The following CCDC7 variants were observed in gnomAD, a reference collection of about 807,000 sequenced individuals.
CCDC7 encodes coiled-coil domain containing 7.
A neutral mutation model predicts 196.9 loss-of-function variants in CCDC7; 183 were observed. The observed-to-expected ratio is 0.93, with a 90% CI of 0.82 to 1.05. The LOEUF (loss-of-function observed/expected upper bound fraction) is 1.05, where lower values mean the gene tolerates loss of function less well. CCDC7 is among the 50% of genes least tolerant of loss of function. The pLI, the probability that CCDC7 is intolerant of heterozygous loss-of-function variation, is 0.00. For synonymous variants in CCDC7, 525 were observed against 484.6 expected (o/e 1.08, Z -1.10); for missense variants, 1,540 against 1,482.2 (o/e 1.04, Z -0.64).
intron 32 of CCDC7, among the ~76,000 whole-genome samples, chr10:32,834,572 T>C (rs4609551): frequency 6.6e-6 from 1 of 151,960 alleles, no homozygotes; most frequent in Non-Finnish European, 1.5e-5. Flanking sequence ...GTATATCTGA[T>C]TTTGTTCAAA....
intron 28 of CCDC7, among the ~76,000 whole-genome samples, chr10:32,748,263 T>C (rs1388835643): frequency 6.6e-6 from 1 of 152,182 alleles, no homozygotes; most frequent in East Asian, 1.9e-4. Flanking sequence ...GGTAATATGC[T>C]GTCACTACCT....
intron 18 of CCDC7, among the ~76,000 whole-genome samples, chr10:32,609,091 G>A (rs2061827861): frequency 6.6e-6 from 1 of 152,188 alleles, no homozygotes; most frequent in African/African-American, 2.4e-5. Context: ...TTCTGTAGCT[G>A]TTGGGTAAAA....
chr10:32,841,711 A>G (rs1352157569), intron 33 of CCDC7, among the ~76,000 whole-genome samples: 1 of 152,070 alleles, frequency 6.6e-6, no homozygotes, highest in African/African-American at 2.4e-5. Flanking sequence ...ACTTCAAACT[A>G]TAAGGCCATA....
chr10:32,776,190 G>A (rs2080015974), intron 28 of CCDC7, among the ~76,000 whole-genome samples: 1 of 149,598 alleles, frequency 6.7e-6, no homozygotes, highest in Non-Finnish European at 1.5e-5. Flanking sequence ...TAGATGACGA[G>A]TTAGTGGGTG....
At chr10:32,638,996 A>G (rs1231809035) in intron 20 of CCDC7, among the ~76,000 whole-genome samples, 1 of 152,172 alleles carries the variant, frequency 6.6e-6, no homozygotes. Context: ...CATTTCTTCT[A>G]GATTTTCTAG....
intron 18 of CCDC7, among the ~76,000 whole-genome samples, chr10:32,633,699 T>TATATAA: frequency 9.4e-6 from 1 of 106,682 alleles, no homozygotes; most frequent in East Asian, 2.9e-4. Flanking sequence ...TATATATATG[T>TATATAA]GTGTGTGTGT....
intron 41 of CCDC7, among the ~76,000 whole-genome samples, chr10:32,860,294 C>G (rs760589118): frequency 6.6e-6 from 1 of 152,166 alleles, no homozygotes; most frequent in African/African-American, 2.4e-5. Flanking sequence ...ATCACACAAA[C>G]AGAACCAATG....
chr10:32,467,581 CTTAAGT>C (rs1401384802), intron 5 of CCDC7, among the ~76,000 whole-genome samples: 1 of 152,112 alleles, frequency 6.6e-6, no homozygotes, highest in East Asian at 1.9e-4. Context: ...CACAGAAGCT[CTTAAGT>C]TTAATTGGAT....
At chr10:32,830,860 C>T (rs765695671) in intron 32 of CCDC7, among the ~76,000 whole-genome samples, 15 of 152,102 alleles carry the variant, frequency 9.9e-5, no homozygotes, top group Non-Finnish European at 1.8e-4. Context: ...AATCTAAGCT[C>T]AATTAAATCT....
At chr10:32,817,008 G>A (rs1435285940) in intron 31 of CCDC7, among the ~76,000 whole-genome samples, 1 of 152,204 alleles carries the variant, frequency 6.6e-6, no homozygotes, top group African/African-American at 2.4e-5. Flanking sequence ...TGAGTTGAGA[G>A]AAGAAGGCTT....
intron 21 of CCDC7, among the ~76,000 whole-genome samples, chr10:32,680,466 A>T (rs992427005): frequency 6.6e-5 from 10 of 151,916 alleles, no homozygotes; most frequent in Admixed American, 5.9e-4. Flanking sequence ...GTTCTAGAGT[A>T]CATGTGCACA....
intron 1 of CCDC7, 120 bp downstream of exon 2, chr10:32,452,041 A>G: frequency 7.4e-7 from 1 of 1,346,404 alleles, no homozygotes; most frequent in Non-Finnish European, 9.7e-7. Context: ...GATTTATTAC[A>G]GTAGGCACAT....
At chr10:32,783,627 C>T (rs899506497) in intron 29 of CCDC7, among the ~76,000 whole-genome samples, 2 of 152,188 alleles carry the variant, frequency 1.3e-5, no homozygotes, top group Non-Finnish European at 1.5e-5. Context: ...ATGGAGTTCT[C>T]ATATGATCTA....
chr10:32,673,654 CGTGTGTGTGT>C (rs71027102), intron 21 of CCDC7, among the ~76,000 whole-genome samples: 1 of 147,948 alleles, frequency 6.8e-6, no homozygotes, highest in South Asian at 2.1e-4. Flanking sequence ...CCATTGTGCA[CGTGTGTGTGT>C]GTGTGTGTGT....
chr10:32,548,201 G>A (rs1056324647), intron 13 of CCDC7, among the ~76,000 whole-genome samples: 2 of 152,172 alleles, frequency 1.3e-5, no homozygotes, highest in Non-Finnish European at 2.9e-5. Context: ...GGTGCAGGTA[G>A]CCCCTACTGC....
At position 32,729,505 on chromosome 10, in the gene CCDC7, G is replaced by A. The variant is rs568603793; in HGVS notation, c.2905+48G>A. ...TATAAATTGTTTTTATTAAATTCAG[G>A]AGAAATTTGTTTTTGGTTTATAAAT... On this transcript the variant is annotated intron_variant, in intron 28 of 41. Coordinates refer to ENST00000639629, the Ensembl canonical transcript of CCDC7. 117 of 963,340 alleles carry A rather than the reference G, an allele frequency of 1.2e-4. 2 individuals carry two copies. The South Asian group carries it at 2.5e-3, about 20-fold the overall frequency. 59.7% of individuals were successfully genotyped at this position (963,340 alleles called of 1,614,324 possible).
intron 21 of CCDC7, among the ~76,000 whole-genome samples, chr10:32,670,911 A>T (rs903602554): frequency 5.9e-5 from 9 of 151,476 alleles, no homozygotes; most frequent in Non-Finnish European, 7.4e-5. Flanking sequence ...TAGGTTGTTT[A>T]TTTGGGATCT....
chr10:32,611,086 T>C (rs1425212070), intron 18 of CCDC7, among the ~76,000 whole-genome samples: 1 of 152,236 alleles, frequency 6.6e-6, no homozygotes, highest in Non-Finnish European at 1.5e-5. Context: ...CAGCATTTGT[T>C]GTTTCCTGAC....
At chr10:32,568,765 A>G (rs2057207081) in intron 15 of CCDC7, among the ~76,000 whole-genome samples, 1 of 152,228 alleles carries the variant, frequency 6.6e-6, no homozygotes, top group South Asian at 2.1e-4. Flanking sequence ...ACACAAGACC[A>G]TAAGCTAGCT....
Sources: gnomAD v4.1 joint callset for allele counts (sites outside exome capture counted in the v4.1 genomes callset) on GRCh38, gnomAD v4.1.1 for gene constraint, MANE v1.5 for transcripts, NCBI Gene and HGNC (gene_info 2026-07-23, HGNC 2026-07-21) for gene names.